The following MAD1L1 variants were observed in gnomAD, a reference collection of about 807,000 sequenced individuals.
MAD1L1 encodes mitotic spindle assembly checkpoint protein MAD1.
Under a neutral mutation model 96.9 loss-of-function variants are expected in MAD1L1, and 95 were observed. The ratio of observed to expected loss-of-function variants is 0.98; its 90% confidence interval spans 0.83 to 1.16. The LOEUF (loss-of-function observed/expected upper bound fraction) is 1.16. Among genes scored for constraint, MAD1L1 ranks in the 50% most tolerant of loss-of-function variants. The pLI, the probability that MAD1L1 is intolerant of heterozygous loss-of-function variation, is 0.00. For missense variants in MAD1L1, 1,007 were observed against 954.4 expected, an observed-to-expected ratio of 1.06 and a Z score of -0.73; for synonymous variants, 473 against 396.6, an observed-to-expected ratio of 1.19 and a Z score of -2.29.
intron 14 of MAD1L1, among the ~76,000 whole-genome samples, chr7:1,997,467 C>G (rs1013194035): frequency 2.5e-4 from 38 of 152,374 alleles, no homozygotes; most frequent in African/African-American, 8.9e-4. Flanking sequence ...TCACAGGGAA[C>G]TGGGTGGGAG....
In MAD1L1 at chr7:2,078,939, C is replaced by T. The variant is rs1159973371; in HGVS notation, c.1074-9601G>A. Among the ~76,000 whole-genome samples, 3 of 152,240 alleles carry T rather than the reference C, an allele frequency of 2.0e-5. No homozygotes were observed. In the East Asian group the frequency reaches 5.8e-4, roughly 29 times the overall value. Reference sequence around the variant, plus strand: ...GGTCTCCAGGGCCGTGCCTTGGGCACCCCCATAGGGCTGGGGGGAGATGCC... The same window carrying T: ...GGTCTCCAGGGCCGTGCCTTGGGCATCCCCATAGGGCTGGGGGGAGATGCC... On this transcript the variant is annotated intron_variant, in intron 11 of 18. Transcript: ENST00000265854.
intron 11 of MAD1L1, among the ~76,000 whole-genome samples, chr7:2,077,251 T>C (rs555097357): frequency 1.3e-5 from 2 of 152,328 alleles, no homozygotes; most frequent in East Asian, 1.9e-4. Context: ...ACTAATAAAA[T>C]TGTATTCGAA....
chr7:1,819,739 G>A (rs1458130677), intron 18 of MAD1L1, among the ~76,000 whole-genome samples: 1 of 152,126 alleles, frequency 6.6e-6, no homozygotes, highest in Non-Finnish European at 1.5e-5. Flanking sequence ...AGGGCTTGGA[G>A]AGCAGAGACA....
intron 18 of MAD1L1, among the ~76,000 whole-genome samples, chr7:1,867,901 C>T (rs1408366206): frequency 1.3e-5 from 2 of 152,230 alleles, no homozygotes; most frequent in Non-Finnish European, 2.9e-5. Context: ...CAGATGAGAG[C>T]CACATAATTA....
At chr7:2,162,111 GGGCCATGATGAGGAT>G (rs1790177428) in intron 10 of MAD1L1, among the ~76,000 whole-genome samples, 1 of 151,824 alleles carries the variant, frequency 6.6e-6, no homozygotes. Context: ...CATTGAGAAC[GGGCCATGATGAGGAT>G]GGCGGTTTTG....
At chr7:2,137,092 G>T (rs992712045) in intron 11 of MAD1L1, among the ~76,000 whole-genome samples, 9 of 152,146 alleles carry the variant, frequency 5.9e-5, no homozygotes, top group African/African-American at 2.2e-4. Context: ...TGTGGGGTGT[G>T]GGCTGCTCTC....
intron 3 of MAD1L1, among the ~76,000 whole-genome samples, chr7:2,227,887 GACT>G (rs1224003926): frequency 1.3e-5 from 2 of 152,162 alleles, no homozygotes; most frequent in Non-Finnish European, 2.9e-5. Flanking sequence ...GCCTGGAGCT[GACT>G]ACAACGGAAA....
At chr7:1,922,236 C>T (rs1018098224) in intron 17 of MAD1L1, among the ~76,000 whole-genome samples, 2 of 152,238 alleles carry the variant, frequency 1.3e-5, no homozygotes, top group African/African-American at 4.8e-5. Flanking sequence ...CTGGCCGCGC[C>T]GCGTCTTTAC....
intron 17 of MAD1L1, among the ~76,000 whole-genome samples, chr7:1,922,833 T>C (rs1486334547): frequency 6.6e-6 from 1 of 152,242 alleles, no homozygotes; most frequent in Non-Finnish European, 1.5e-5. Flanking sequence ...GAACGTGTGT[T>C]GGGCCTCGCT....
intron 15 of MAD1L1, among the ~76,000 whole-genome samples, chr7:1,975,902 A>G (rs1780615150): frequency 6.6e-6 from 1 of 152,196 alleles, no homozygotes; most frequent in Non-Finnish European, 1.5e-5. Context: ...AGCCTCTGGA[A>G]TTAGCAAGCG....
rs373300215 is a variant in MAD1L1 at position 2,218,497 on chromosome 7, T to G, written c.597-454A>C. 6.4e-4 allele frequency among the ~76,000 whole-genome samples: 97 copies of G among 152,308 alleles called. 3 individuals carry two copies. The South Asian group carries it at 0.017, about 26-fold the overall frequency. Reference sequence around the variant, plus strand: ...AAGTCTGCAGGAGATGCCCACAGTCTCCTGACTGCACCTCCAGACAAGGCT... The same window carrying G: ...AAGTCTGCAGGAGATGCCCACAGTCGCCTGACTGCACCTCCAGACAAGGCT... On this transcript the variant is annotated intron_variant, in intron 6 of 18. Coordinates refer to ENST00000265854, the MANE Select transcript of MAD1L1 (RefSeq NM_001013836.2).
At chr7:2,031,908 G>A (rs1411858660) in intron 12 of MAD1L1, among the ~76,000 whole-genome samples, 1 of 152,266 alleles carries the variant, frequency 6.6e-6, no homozygotes, top group East Asian at 1.9e-4. Flanking sequence ...TACTCAGCCT[G>A]AGCAGTCAGA....
Position 2,213,348 on chromosome 7 carries a change from C to T in MAD1L1, c.925-75G>A, listed in dbSNP as rs1469998106. ...ATCACATAAGACTGACAATCATGAT[C>T]ACGGTGCTAAGTCCCTGACCTCTCA... On this transcript the variant is annotated intron_variant, in intron 9 of 18. Coordinates refer to ENST00000265854, the MANE Select transcript of MAD1L1 (RefSeq NM_001013836.2). The T allele has an allele frequency of 2.9e-6, 4 of 1,398,184 alleles. No individual in the cohort carries two copies. In the East Asian group the frequency reaches 6.9e-5, roughly 24 times the overall value. The allele number at this position is 1,398,184 out of a possible 1,614,324, so 86.6% of individuals were successfully genotyped here.
chr7:1,983,150 G>GCACA (rs1484714666), intron 14 of MAD1L1, among the ~76,000 whole-genome samples: 5 of 93,220 alleles, frequency 5.4e-5, no homozygotes, highest in Non-Finnish European at 9.7e-5. Flanking sequence ...GCGCGCGCGC[G>GCACA]CGCGCACACA....
At chr7:2,173,559 G>T (rs1160036093) in intron 10 of MAD1L1, among the ~76,000 whole-genome samples, 3 of 152,208 alleles carry the variant, frequency 2.0e-5, no homozygotes, top group East Asian at 3.8e-4. Flanking sequence ...CTCCTCTGGA[G>T]ATGTCCATGC....
chr7:1,917,487 G>A (rs1306683666), intron 17 of MAD1L1, among the ~76,000 whole-genome samples: 2 of 152,256 alleles, frequency 1.3e-5, no homozygotes, highest in Non-Finnish European at 2.9e-5. Flanking sequence ...CCTCAGCACC[G>A]CCTGGCCGGG....
chr7:2,146,604 G>A lies in MAD1L1; in HGVS notation c.1073+2548C>T, dbSNP rs369741998. Among the ~76,000 whole-genome samples the A allele has an allele frequency of 1.1e-3, 166 of 152,332 alleles. 5 individuals are homozygous for A. The South Asian group carries it at 0.032, about 29-fold the overall frequency. On this transcript the variant is annotated intron_variant, in intron 11 of 18. Transcript: ENST00000265854. The surrounding 1 kb of genome is among the most constrained non-coding windows in gnomAD (Gnocchi z 6.2). ...TGCCCAGCAGCTGCTCTCATGACCC[G>A]TGACCTCAGCTGGACCAGGGCTCTG...
At chr7:2,206,377 T>C (rs1314406233) in intron 10 of MAD1L1, among the ~76,000 whole-genome samples, 10 of 152,224 alleles carry the variant, frequency 6.6e-5, no homozygotes, top group Non-Finnish European at 1.5e-4. Flanking sequence ...ATGGTTCATG[T>C]TCGTTGTATT....
intron 12 of MAD1L1, among the ~76,000 whole-genome samples, chr7:2,055,669 C>CAAAAAAAAAAAAAAAAAA: frequency 1.1e-5 from 1 of 90,530 alleles, no homozygotes; most frequent in Non-Finnish European, 2.3e-5. Context: ...GACCCTGTCT[C>CAAAAAAAAAAAAAAAAAA]AAAAAAAAAA....
Sources: allele counts gnomAD v4.1 joint callset (sites outside exome capture counted in the v4.1 genomes callset), GRCh38; gene constraint gnomAD v4.1.1; non-coding constraint Gnocchi (gnomAD v3.1); transcripts MANE v1.5; gene names NCBI Gene and HGNC (gene_info 2026-07-23, HGNC 2026-07-21).